SLC4A4: variants seen among roughly 807,000 people sequenced by gnomAD.
SLC4A4 encodes electrogenic sodium bicarbonate cotransporter 1.
Under a neutral mutation model 111.5 loss-of-function variants are expected in SLC4A4, and 27 were observed. That is an observed-to-expected ratio of 0.24 (90% CI 0.18 to 0.33). The LOEUF is 0.33. Ranked by LOEUF, SLC4A4 falls within the 10% of genes least tolerant of loss-of-function variation. The probability of loss-of-function intolerance (pLI) is 1.00; values close to 1 mark genes in which losing one functional copy is unlikely to be tolerated. For missense variants in SLC4A4, 909 were observed against 1,315.5 expected (o/e 0.69, Z 4.78); for synonymous variants, 443 against 463.4 (o/e 0.96, Z 0.57).
intron 18 of SLC4A4, among the ~76,000 whole-genome samples, chr4:71,536,465 C>CATATATACAT: frequency 2.5e-5 from 1 of 40,700 alleles, no homozygotes; most frequent in Non-Finnish European, 4.9e-5. Context: ...TACATATATA[C>CATATATACAT]ATATATATAT....
At chr4:71,139,141 G>C (rs1412953209) in intron 2 of SLC4A4, among the ~76,000 whole-genome samples, 1 of 151,498 alleles carries the variant, frequency 6.6e-6, no homozygotes, top group Non-Finnish European at 1.5e-5. Context: ...AAGGGTAATG[G>C]TGATTAATCA....
chr4:71,335,901 A>C (rs145179016), intron 3 of SLC4A4, among the ~76,000 whole-genome samples: 4 of 152,148 alleles, frequency 2.6e-5, no homozygotes, highest in Admixed American at 6.5e-5. Context: ...CAATTACCTT[A>C]TTTTAATGTT....
chr4:71,353,359 C>T (rs1197644093), intron 5 of SLC4A4, among the ~76,000 whole-genome samples: 1 of 152,094 alleles, frequency 6.6e-6, no homozygotes, highest in Non-Finnish European at 1.5e-5. Context: ...GCTGATAATA[C>T]AGAAAAACAG....
At chr4:71,466,979 G>GAGAGAGAGAGAGAGA (rs1363275518) in intron 13 of SLC4A4, among the ~76,000 whole-genome samples, 82 of 145,904 alleles carry the variant, frequency 5.6e-4, no homozygotes, top group East Asian at 2.4e-3. Context: ...GAGAGAGAGA[G>GAGAGAGAGAGAGAGA]GTCTGAGTAT....
At chr4:71,550,612 A>C (rs1010367261) in intron 20 of SLC4A4, among the ~76,000 whole-genome samples, 6 of 151,884 alleles carry the variant, frequency 4.0e-5, no homozygotes, top group African/African-American at 1.4e-4. Context: ...CATTTTACTT[A>C]AGAGTCTGTC....
At chr4:71,501,318 T>A (rs1436313364) in intron 16 of SLC4A4, among the ~76,000 whole-genome samples, 1 of 152,086 alleles carries the variant, frequency 6.6e-6, no homozygotes, top group Non-Finnish European at 1.5e-5. Context: ...CTTTACTTAA[T>A]TTTTTTATTA....
At chr4:71,235,946 A>G (rs1010071759) in intron 1 of SLC4A4, 1 of 722,926 alleles carries the variant, frequency 1.4e-6, no homozygotes, top group Non-Finnish European at 1.7e-6. Flanking sequence ...GGGTTGCTGG[A>G]TAATCCTCAG....
At chr4:71,225,266 C>T (rs1273817770) in intron 1 of SLC4A4, among the ~76,000 whole-genome samples, 2 of 151,816 alleles carry the variant, frequency 1.3e-5, no homozygotes, top group East Asian at 1.9e-4. Context: ...GCAGGAGAAT[C>T]GTTTGAACCC....
At chr4:71,330,014 C>T (rs1294233442) in intron 3 of SLC4A4, among the ~76,000 whole-genome samples, 1 of 152,100 alleles carries the variant, frequency 6.6e-6, no homozygotes, top group Non-Finnish European at 1.5e-5. Flanking sequence ...GGGTTTTTAT[C>T]ATGAAAGAAT....
chr4:71,225,838 C>T (rs1719015453), intron 1 of SLC4A4, among the ~76,000 whole-genome samples: 1 of 152,158 alleles, frequency 6.6e-6, no homozygotes, highest in Non-Finnish European at 1.5e-5. Flanking sequence ...AGTAAATGTG[C>T]AAAAGTCACA....
chr4:71,169,698 G>A (rs1047761254), intron 2 of SLC4A4, among the ~76,000 whole-genome samples: 5 of 152,094 alleles, frequency 3.3e-5, no homozygotes, highest in African/African-American at 9.7e-5. Context: ...ATAATGAACC[G>A]AAATATATTG....
chr4:71,352,027 C>A (rs116053716), intron 5 of SLC4A4, among the ~76,000 whole-genome samples: 1 of 152,098 alleles, frequency 6.6e-6, no homozygotes, highest in Admixed American at 6.5e-5. Flanking sequence ...CCAGGGAGAT[C>A]GGAACCCATC....
intron 6 of SLC4A4, among the ~76,000 whole-genome samples, chr4:71,389,522 C>T (rs1020462533): frequency 6.6e-6 from 1 of 152,170 alleles, no homozygotes; most frequent in African/African-American, 2.4e-5. Flanking sequence ...TCTTTTTCCT[C>T]TTTATTGCTT....
At chr4:71,245,360 AGT>A (rs1720578141) in intron 2 of SLC4A4, among the ~76,000 whole-genome samples, 1 of 152,206 alleles carries the variant, frequency 6.6e-6, no homozygotes, top group African/African-American at 2.4e-5. Flanking sequence ...GGATGGAGAC[AGT>A]GTCCCAAGAG....
chr4:71,542,076 G>T (rs983063649), intron 18 of SLC4A4, among the ~76,000 whole-genome samples: 3 of 151,972 alleles, frequency 2.0e-5, no homozygotes, highest in Non-Finnish European at 2.9e-5. Context: ...TGCATTCTTG[G>T]GTCTCATGGC....
chr4:71,391,499 T>C (rs971665315), intron 6 of SLC4A4, among the ~76,000 whole-genome samples: 3 of 152,130 alleles, frequency 2.0e-5, no homozygotes, highest in Admixed American at 6.6e-5. Context: ...ACATGTGTGC[T>C]AAAGAATAAC....
At chr4:71,451,774 G>A (rs1725785966) in intron 11 of SLC4A4, among the ~76,000 whole-genome samples, 1 of 152,072 alleles carries the variant, frequency 6.6e-6, no homozygotes, top group African/African-American at 2.4e-5. Context: ...AAGACTAGAG[G>A]GGAATGACTG....
intron 2 of SLC4A4, among the ~76,000 whole-genome samples, chr4:71,114,358 T>C (rs1331753378): frequency 1.3e-5 from 2 of 151,204 alleles, no homozygotes; most frequent in Non-Finnish European, 2.9e-5. Flanking sequence ...ACTAAAGAGC[T>C]TCTGCACAGC....
chr4:71,457,005 A>G (rs1210654353), intron 12 of SLC4A4, among the ~76,000 whole-genome samples: 1 of 152,184 alleles, frequency 6.6e-6, no homozygotes, highest in Admixed American at 6.6e-5. Flanking sequence ...TTAAAGGCAG[A>G]CAGCTCAGAG....
Sources: gnomAD v4.1 joint callset for allele counts (sites outside exome capture counted in the v4.1 genomes callset) on GRCh38, gnomAD v4.1.1 for gene constraint, MANE v1.5 for transcripts, NCBI Gene and HGNC (gene_info 2026-07-23, HGNC 2026-07-21) for gene names.